NEBL: variants seen among roughly 807,000 people sequenced by gnomAD.
The protein encoded by NEBL is nebulette, also known as LIM and SH3 protein 2.
NEBL carries 122 observed loss-of-function variants against 140.2 expected under a neutral mutation model. The ratio of observed to expected loss-of-function variants is 0.87; its 90% CI spans 0.75 to 1.01. The LOEUF (loss-of-function observed/expected upper bound fraction) is 1.01. NEBL is among the 50% of genes least tolerant of loss of function. NEBL has a pLI of 0.00. For synonymous variants in NEBL, 436 were observed against 398.9 expected (o/e 1.09, Z -1.11); for missense variants, 1,365 against 1,231.3 (o/e 1.11, Z -1.62).
At chr10:21,248,287 T>G (rs1401623830) in intron 2 of NEBL, among the ~76,000 whole-genome samples, 1 of 151,802 alleles carries the variant, frequency 6.6e-6, no homozygotes, top group Non-Finnish European at 1.5e-5. Flanking sequence ...TTGCCCAGGC[T>G]GGGAAAGCAT....
intron 3 of NEBL, among the ~76,000 whole-genome samples, chr10:21,010,695 T>A (rs909561174): frequency 1.3e-5 from 2 of 152,220 alleles, no homozygotes; most frequent in Non-Finnish European, 2.9e-5. Flanking sequence ...TACTTCTACA[T>A]AGAAAACTTG....
At chr10:20,869,879 T>C (rs1844743959) in intron 5 of NEBL, 38 bp from the exon 6 acceptor site, 1 of 1,293,204 alleles carries the variant, frequency 7.7e-7, no homozygotes, top group South Asian at 1.2e-5. Flanking sequence ...ATAAATAAAT[T>C]AGTAATTTCA....
At chr10:21,189,676 C>T (rs1210815373) in intron 3 of NEBL, among the ~76,000 whole-genome samples, 1 of 151,888 alleles carries the variant, frequency 6.6e-6, no homozygotes, top group Non-Finnish European at 1.5e-5. Flanking sequence ...ACTGTGTTAG[C>T]CAGGATGGTC....
intron 2 of NEBL, among the ~76,000 whole-genome samples, chr10:21,070,197 C>T (rs1449832671): frequency 6.6e-6 from 1 of 152,188 alleles, no homozygotes; most frequent in Non-Finnish European, 1.5e-5. Context: ...ATGGAAAGTG[C>T]TCTAGGATTG....
chr10:21,230,604 C>CTTTTTTT (rs1157514424), intron 3 of NEBL, among the ~76,000 whole-genome samples: 1 of 125,508 alleles, frequency 8.0e-6, no homozygotes, highest in African/African-American at 2.8e-5. Context: ...AACTGGAAAC[C>CTTTTTTT]TTTTTTTTTT....
At chr10:20,937,283 C>G (rs57536382) in intron 4 of NEBL, among the ~76,000 whole-genome samples, 3,517 of 152,308 alleles carry the variant, frequency 0.023, 121 homozygotes, top group African/African-American at 0.078. Flanking sequence ...TTAACAGCAA[C>G]TTTCTTCTGA....
intron 2 of NEBL, among the ~76,000 whole-genome samples, chr10:21,046,957 A>ACATC (rs1834547739): frequency 6.6e-6 from 1 of 152,170 alleles, no homozygotes; most frequent in African/African-American, 2.4e-5. Context: ...AATGGGGAAG[A>ACATC]CATCCATTTT....
At chr10:21,045,156 T>TG (rs1322471684) in intron 2 of NEBL, among the ~76,000 whole-genome samples, 3 of 152,230 alleles carry the variant, frequency 2.0e-5, no homozygotes, top group Admixed American at 2.0e-4. Context: ...ACTTTGACTC[T>TG]GTGCCTCTGC....
chr10:20,883,590 A>G (rs1469404640), intron 4 of NEBL, among the ~76,000 whole-genome samples: 1 of 152,196 alleles, frequency 6.6e-6, no homozygotes, highest in Non-Finnish European at 1.5e-5. Context: ...AAAAACTTCT[A>G]TGAGATTTGC....
rs1483630054 is a variant in NEBL at position 20,889,866 on chromosome 10, A to G, written c.237T>C (p.Asn79=). 6.2e-7 allele frequency: 1 copy of G among 1,612,136 alleles called. No homozygotes were observed. The highest frequency in any genetic ancestry group is 1.1e-5 in the South Asian group (1 of 91,008). ...TDSPMLNHVK[N]IGAFISEAKY... The stretch of plus-strand genomic sequence containing the variant: ...TTACCTCAGAAATAAAAGCACCGAT[A>G]TTTTTTACATGGTTTAGCATAGGAC... Residue 79 remains asparagine (N), a synonymous_variant, in exon 3 of 28, where the codon AAT becomes AAC. Coordinates refer to ENST00000377122, the MANE Select transcript of NEBL (RefSeq NM_006393.3).
At chr10:21,167,041 C>T (rs1840807893) in intron 2 of NEBL, among the ~76,000 whole-genome samples, 1 of 152,300 alleles carries the variant, frequency 6.6e-6, no homozygotes, top group East Asian at 1.9e-4. Flanking sequence ...GGCAGCGGAG[C>T]ACTGGCCTCG....
At chr10:20,972,935 T>G (rs1274201354) in intron 3 of NEBL, among the ~76,000 whole-genome samples, 1 of 152,128 alleles carries the variant, frequency 6.6e-6, no homozygotes, top group African/African-American at 2.4e-5. Context: ...ACAGGTTATT[T>G]AAAAAATCTA....
intron 2 of NEBL, among the ~76,000 whole-genome samples, chr10:21,169,458 T>C (rs993526116): frequency 2.0e-5 from 3 of 152,130 alleles, no homozygotes; most frequent in African/African-American, 7.2e-5. Context: ...GAGCAGCTGA[T>C]TGACATGCAC....
At chr10:20,931,074 C>T (rs1834159951) in intron 4 of NEBL, among the ~76,000 whole-genome samples, 1 of 151,818 alleles carries the variant, frequency 6.6e-6, no homozygotes. Flanking sequence ...CAGATTCACA[C>T]CTCAGTCATT....
chr10:21,050,632 TTGAC>T (rs1218090653), intron 2 of NEBL, among the ~76,000 whole-genome samples: 2 of 152,164 alleles, frequency 1.3e-5, no homozygotes, highest in Non-Finnish European at 2.9e-5. Context: ...TTGGCTTAAT[TTGAC>T]TGCGTAGATT....
intron 2 of NEBL, among the ~76,000 whole-genome samples, chr10:21,071,259 T>A (rs1835806679): frequency 6.6e-6 from 1 of 150,844 alleles, no homozygotes; most frequent in Non-Finnish European, 1.5e-5. Context: ...AAAACGGGTA[T>A]GGTGGAAGGT....
intron 1 of NEBL, among the ~76,000 whole-genome samples, chr10:21,277,198 A>C (rs975693828): frequency 6.7e-6 from 1 of 150,262 alleles, no homozygotes; most frequent in Non-Finnish European, 1.5e-5. Flanking sequence ...AATGCACCAA[A>C]TATTTCTTTC....
intron 26 of NEBL, among the ~76,000 whole-genome samples, chr10:20,799,496 C>T (rs1300695917): frequency 6.6e-6 from 1 of 152,220 alleles, no homozygotes; most frequent in Admixed American, 6.5e-5. Flanking sequence ...TCTTCCTAAA[C>T]TTAAATGAAG....
intron 26 of NEBL, among the ~76,000 whole-genome samples, chr10:20,795,981 G>A (rs1836474839): frequency 6.6e-6 from 1 of 152,058 alleles, no homozygotes; most frequent in South Asian, 2.1e-4. Context: ...ACTGCAAAAG[G>A]AAACATACAT....
Sources: gnomAD v4.1 joint callset for allele counts (sites outside exome capture counted in the v4.1 genomes callset) on GRCh38, gnomAD v4.1.1 for gene constraint, MANE v1.5 for transcripts, NCBI Gene and HGNC (gene_info 2026-07-23, HGNC 2026-07-21) for gene names.